Variants in ERCC8 observed in about 807,000 individuals in gnomAD.
ERCC8 encodes the protein ERCC excision repair 8, CSA ubiquitin ligase complex subunit.
In ERCC8, 52 loss-of-function variants were observed where a neutral mutation model predicts 54.9. The ratio of observed to expected loss-of-function variants is 0.95; its 90% CI spans 0.76 to 1.19. ERCC8 has a LOEUF of 1.19. ERCC8 is among the 50% of genes most tolerant of loss of function. The pLI, the probability that ERCC8 is intolerant of heterozygous loss-of-function variation, is 0.00. For synonymous variants in ERCC8, 146 were observed against 157.2 expected, an observed-to-expected ratio of 0.93 and a Z score of 0.53; for missense variants, 514 against 466.1, an observed-to-expected ratio of 1.10 and a Z score of -0.95.
At chr5:60,908,818 A>G (rs1433487644) in intron 4 of ERCC8, among the ~76,000 whole-genome samples, 1 of 152,134 alleles carries the variant, frequency 6.6e-6, no homozygotes, top group African/African-American at 2.4e-5. Flanking sequence ...ATGAAAAAAG[A>G]AAATTTGTGA....
In ERCC8 at chr5:60,887,514, A is replaced by G. The variant is rs145637736; in HGVS notation, c.1048T>C (p.Tyr350His). ...ATGTTGCAGTCTCTGCTACCACTATAAAGTTCCTATAACATAGAAGGCAAA... is the reference window on the plus strand; with the variant it reads ...ATGTTGCAGTCTCTGCTACCACTATGAAGTTCCTATAACATAGAAGGCAAA... ...CVFQSNFQEL[Y>H]SGSRDCNILA... The change falls in exon 11 of 12, where the codon TAT (tyrosine) becomes CAT (histidine). Residue 350 changes from tyrosine to histidine, a missense_variant. Physicochemically the swap from Tyr to His is moderately conservative, Grantham distance 83 (BLOSUM62 2). Coordinates refer to ENST00000676185, the MANE Select transcript of ERCC8 (RefSeq NM_000082.4). The G allele has an allele frequency of 1.2e-6, 2 of 1,613,368 alleles. No homozygotes were observed. Among genetic ancestry groups the G allele is most frequent in the Non-Finnish European group, 8.5e-7 (1 of 1,179,346 alleles).
At chr5:60,906,333 CTA>C (rs1044513853) in intron 4 of ERCC8, among the ~76,000 whole-genome samples, 11 of 151,772 alleles carry the variant, frequency 7.2e-5, no homozygotes, top group African/African-American at 2.4e-4. Context: ...ACTGCTGGGC[CTA>C]TGTTTTAGCA....
In ERCC8 at chr5:60,884,534, T is replaced by TG. The variant is rs1554072318; in HGVS notation, c.1122+2905_1122+2906insC. ...ATATGTGTGTATGTGTTTTTTTTTT[T>TG]TTTGTTTTCTAGTGTGGTATACTGC... On this transcript the variant is annotated intron_variant, in intron 11 of 11. Transcript: ENST00000676185. Among the ~76,000 whole-genome samples, 314 of 150,626 alleles carry TG rather than the reference T, an allele frequency of 2.1e-3. 4 individuals are homozygous for TG. Among genetic ancestry groups the TG allele is most frequent in the Non-Finnish European group, 3.2e-3 (220 of 67,698 alleles).
chr5:60,909,352 G>A (rs1395081426), intron 4 of ERCC8, among the ~76,000 whole-genome samples: 3 of 148,046 alleles, frequency 2.0e-5, no homozygotes, highest in African/African-American at 7.5e-5. Flanking sequence ...GTGGAAGAAG[G>A]TTCAGTACTG....
At chr5:60,888,196 T>G (rs1189950691) in intron 10 of ERCC8, among the ~76,000 whole-genome samples, 1 of 152,172 alleles carries the variant, frequency 6.6e-6, no homozygotes, top group Non-Finnish European at 1.5e-5. Context: ...TCAAAAACAA[T>G]GTGAGGCATG....
intron 7 of ERCC8, among the ~76,000 whole-genome samples, chr5:60,902,010 A>G (rs1476596789): frequency 1.3e-5 from 2 of 152,050 alleles, no homozygotes; most frequent in Non-Finnish European, 2.9e-5. Flanking sequence ...TGGTTTTTCA[A>G]AGCCTTGGTT....
intron 5 of ERCC8, 125 bp downstream of exon 5, chr5:60,904,666 AT>A (rs1561504281): frequency 2.6e-5 from 4 of 155,828 alleles, no homozygotes; most frequent in South Asian, 2.1e-4. Flanking sequence ...ATATATATAT[AT>A]ATATATATAT....
At chr5:60,882,991 A>ACACACACACACACG (rs1487765259) in intron 11 of ERCC8, among the ~76,000 whole-genome samples, 1 of 151,404 alleles carries the variant, frequency 6.6e-6, no homozygotes, top group Non-Finnish European at 1.5e-5. Flanking sequence ...ACACACACAC[A>ACACACACACACACG]CACACACACA....
intron 9 of ERCC8, chr5:60,893,772 C>A: frequency 3.2e-6 from 1 of 315,434 alleles, no homozygotes; most frequent in East Asian, 6.4e-5. Flanking sequence ...CTTCTCCCTT[C>A]CCTTTATAGT....
At position 60,897,875 on chromosome 5, in the gene ERCC8, T is replaced by C. The variant is rs1748763699; in HGVS notation, c.843+401A>G. Among the ~76,000 whole-genome samples the C allele has an allele frequency of 2.0e-5, 3 of 152,368 alleles. No homozygotes were observed. In the South Asian group the frequency reaches 6.2e-4, roughly 32 times the overall value. ...CAATGAGCACTTCCTTTGTGTGTCATGCTAGCACTCAAAAAGTTTCAGATT... is the reference window on the plus strand; with the variant it reads ...CAATGAGCACTTCCTTTGTGTGTCACGCTAGCACTCAAAAAGTTTCAGATT... On this transcript the variant is annotated intron_variant, in intron 9 of 11. Coordinates refer to ENST00000676185, the MANE Select transcript of ERCC8 (RefSeq NM_000082.4).
At chr5:60,923,954 T>C (rs1749677310) in intron 2 of ERCC8, among the ~76,000 whole-genome samples, 1 of 152,144 alleles carries the variant, frequency 6.6e-6, no homozygotes, top group South Asian at 2.1e-4. Context: ...GTATAGTTCA[T>C]AGTTCATCAC....
intron 4 of ERCC8, among the ~76,000 whole-genome samples, chr5:60,911,072 T>A (rs940050316): frequency 2.0e-5 from 3 of 152,128 alleles, no homozygotes; most frequent in Non-Finnish European, 2.9e-5. Flanking sequence ...ATATATTTTT[T>A]AATTATACTT....
At chr5:60,886,703 AAAAAATAAAAATAAAAATAAAAAT>A (rs537368621) in intron 11 of ERCC8, among the ~76,000 whole-genome samples, 4 of 142,696 alleles carry the variant, frequency 2.8e-5, no homozygotes, top group Non-Finnish European at 4.5e-5. Context: ...CTCCATCTCA[AAAAAATAAAAATAAAAATAAAAAT>A]AAAAATAAAA....
Position 60,918,392 on chromosome 5 carries a change from C to A in ERCC8, c.276-4G>T. 6.2e-7 allele frequency: 1 copy of A among 1,609,100 alleles called. No homozygotes were observed. ...TCTGTGAACATCAGGATGATCTCTA[C>A]AAAACAGCAATCAAAATTTACATTA... On this transcript the variant is annotated splice_polypyrimidine_tract_variant and splice_region_variant and intron_variant, in intron 3 of 11. Coordinates refer to ENST00000676185, the MANE Select transcript of ERCC8 (RefSeq NM_000082.4).
chr5:60,893,630 C>T lies in ERCC8; in HGVS notation c.844-2544G>A, dbSNP rs1273338924. On this transcript the variant is annotated intron_variant, in intron 9 of 11. Transcript: ENST00000676185. ...CGAATCCGCTTGCTCTCTTCCTATA[C>T]TTCCGGCGGGGATCTGAGAAGAGAG... 6.9e-6 allele frequency: 4 copies of T among 580,694 alleles called. No homozygotes were observed. In the African/African-American group the frequency reaches 7.6e-5, roughly 11 times the overall value. The allele number at this position is 580,694 out of a possible 1,614,324, so 36.0% of individuals were successfully genotyped here. A position where few individuals can be genotyped will look rare whatever the true frequency, so the allele number is the denominator to read the frequency against.
At chr5:60,930,712 A>C (rs550672461) in intron 1 of ERCC8, among the ~76,000 whole-genome samples, 122 of 152,034 alleles carry the variant, frequency 8.0e-4, no homozygotes, top group African/African-American at 2.8e-3. Flanking sequence ...GGTGACATTT[A>C]TTGCAATACA....
rs549495143 is a variant in ERCC8 at position 60,893,921 on chromosome 5, T to A, written c.844-2835A>T. On this transcript the variant is annotated intron_variant, in intron 9 of 11. Transcript: ENST00000676185. The stretch of plus-strand genomic sequence containing the variant: ...CTAGAACTCTTCATCTTGCAAAATT[T>A]TACCCATTAAACAGCAAAGATATTC... Among the ~76,000 whole-genome samples the A allele has an allele frequency of 3.9e-5, 6 of 151,928 alleles. No homozygotes were observed. The South Asian group carries it at 1.3e-3, about 32-fold the overall frequency.
chr5:60,928,185 A>G (rs1289134062), intron 2 of ERCC8, among the ~76,000 whole-genome samples: 1 of 152,202 alleles, frequency 6.6e-6, no homozygotes, highest in African/African-American at 2.4e-5. Context: ...AAGTAGGAGA[A>G]TATGTTCAGA....
At chr5:60,897,773 G>T (rs1338830269) in intron 9 of ERCC8, among the ~76,000 whole-genome samples, 1 of 152,138 alleles carries the variant, frequency 6.6e-6, no homozygotes, top group African/African-American at 2.4e-5. Context: ...ATTTGGACTA[G>T]AAGTATTTTG....
Sources: allele counts gnomAD v4.1 joint callset (sites outside exome capture counted in the v4.1 genomes callset), GRCh38; gene constraint gnomAD v4.1.1; transcripts MANE v1.5; gene names NCBI Gene and HGNC (gene_info 2026-07-23, HGNC 2026-07-21).